SLC26A7: variants seen among roughly 807,000 people sequenced by gnomAD.
The protein encoded by SLC26A7 is anion exchange transporter.
Under a neutral mutation model 82.5 loss-of-function variants are expected in SLC26A7, and 59 were observed. That is an observed-to-expected ratio of 0.72 (90% CI 0.58 to 0.89). SLC26A7 has a LOEUF of 0.89. Ranked by LOEUF, SLC26A7 falls within the 40% of genes least tolerant of loss-of-function variation. The pLI is 0.00. For missense variants in SLC26A7, 820 were observed against 793.0 expected, an observed-to-expected ratio of 1.03 and a Z score of -0.41; for synonymous variants, 271 against 274.3, an observed-to-expected ratio of 0.99 and a Z score of 0.12.
chr8:91,268,904 C>T (rs1293835455), intron 2 of SLC26A7, among the ~76,000 whole-genome samples: 1 of 150,342 alleles, frequency 6.7e-6, no homozygotes, highest in African/African-American at 2.4e-5. Flanking sequence ...TTATAACAGG[C>T]TATTTTAAAC....
chr8:91,333,258 C>T (rs1310874970), intron 5 of SLC26A7, among the ~76,000 whole-genome samples: 3 of 152,086 alleles, frequency 2.0e-5, no homozygotes, highest in African/African-American at 7.2e-5. Flanking sequence ...TACATTGATC[C>T]TACCTTTTCT....
intron 15 of SLC26A7, among the ~76,000 whole-genome samples, chr8:91,385,460 T>C (rs1279589453): frequency 6.6e-6 from 1 of 152,226 alleles, no homozygotes; most frequent in Non-Finnish European, 1.5e-5. Flanking sequence ...GGTGAATGGG[T>C]AACTTTACCA....
intron 1 of SLC26A7, among the ~76,000 whole-genome samples, chr8:91,218,356 A>AGAAGTGAGG (rs1810094109): frequency 1.2e-4 from 2 of 16,782 alleles, no homozygotes; most frequent in African/African-American, 2.2e-3. Context: ...TTTTGTACAA[A>AGAAGTGAGG]TTATTTTGAA....
intron 3 of SLC26A7, among the ~76,000 whole-genome samples, chr8:91,290,952 G>T (rs544601682): frequency 9.2e-4 from 140 of 152,238 alleles, no homozygotes; most frequent in Non-Finnish European, 1.5e-3. Context: ...CTTGTTAAAA[G>T]TGCAAAGCCT....
intron 1 of SLC26A7, among the ~76,000 whole-genome samples, chr8:91,215,712 G>A (rs921094799): frequency 6.6e-6 from 1 of 152,110 alleles, no homozygotes; most frequent in African/African-American, 2.4e-5. Flanking sequence ...TTGACAGAAA[G>A]GATATTTCAT....
intron 15 of SLC26A7, among the ~76,000 whole-genome samples, chr8:91,380,276 G>A (rs1461544772): frequency 6.6e-6 from 1 of 151,954 alleles, no homozygotes. Context: ...AATTTCTTTG[G>A]ATTTTGGAAT....
At chr8:91,276,098 C>G (rs1441818858) in intron 2 of SLC26A7, among the ~76,000 whole-genome samples, 3 of 152,102 alleles carry the variant, frequency 2.0e-5, no homozygotes, top group African/African-American at 2.4e-5. Context: ...AAAGTGATAT[C>G]ATCCCACATG....
chr8:91,360,069 T>C (rs1196721896), intron 11 of SLC26A7, among the ~76,000 whole-genome samples: 1 of 152,106 alleles, frequency 6.6e-6, no homozygotes, highest in Non-Finnish European at 1.5e-5. Flanking sequence ...AAAATAGGGG[T>C]CCAAATGGAG....
chr8:91,324,535 T>C (rs1190799415), intron 5 of SLC26A7, among the ~76,000 whole-genome samples: 1 of 152,180 alleles, frequency 6.6e-6, no homozygotes, highest in Non-Finnish European at 1.5e-5. Context: ...TAGGAAGAGA[T>C]AAACATGCAT....
At chr8:91,232,151 A>G (rs953891615) in intron 2 of SLC26A7, among the ~76,000 whole-genome samples, 2 of 152,222 alleles carry the variant, frequency 1.3e-5, no homozygotes, top group Non-Finnish European at 2.9e-5. Flanking sequence ...TATGCAATAA[A>G]TAAAGGACTA....
At chr8:91,255,658 C>T (rs1810781665) in intron 2 of SLC26A7, among the ~76,000 whole-genome samples, 1 of 152,118 alleles carries the variant, frequency 6.6e-6, no homozygotes, top group African/African-American at 2.4e-5. Flanking sequence ...TATTTCCCCT[C>T]ATCCCATGAC....
At chr8:91,359,503 C>T (rs1315757450) in intron 11 of SLC26A7, among the ~76,000 whole-genome samples, 1 of 152,040 alleles carries the variant, frequency 6.6e-6, no homozygotes, top group Non-Finnish European at 1.5e-5. Context: ...CCTACTTAGA[C>T]GTGATAGTTG....
At chr8:91,328,131 A>G (rs1055429984) in intron 5 of SLC26A7, among the ~76,000 whole-genome samples, 10 of 152,106 alleles carry the variant, frequency 6.6e-5, no homozygotes, top group Admixed American at 5.9e-4. Context: ...TAAACATATA[A>G]GATCTTTCTA....
At chr8:91,256,852 T>C (rs930614295) in intron 2 of SLC26A7, among the ~76,000 whole-genome samples, 1 of 152,128 alleles carries the variant, frequency 6.6e-6, no homozygotes, top group Non-Finnish European at 1.5e-5. Context: ...CATGAAAATA[T>C]GAGCTCTGAA....
intron 2 of SLC26A7, among the ~76,000 whole-genome samples, chr8:91,226,389 A>G (rs1273388375): frequency 2.0e-5 from 3 of 152,200 alleles, no homozygotes; most frequent in Non-Finnish European, 4.4e-5. Flanking sequence ...TATTAAATGA[A>G]AAAATGGAGT....
chr8:91,300,531 G>T (rs886748577), intron 4 of SLC26A7, among the ~76,000 whole-genome samples: 2 of 151,370 alleles, frequency 1.3e-5, no homozygotes, highest in Admixed American at 1.3e-4. Context: ...CCAAGTAGCT[G>T]GGACTACAGG....
intron 2 of SLC26A7, among the ~76,000 whole-genome samples, chr8:91,222,668 G>A (rs534391075): frequency 1.3e-5 from 2 of 152,264 alleles, no homozygotes; most frequent in Admixed American, 6.5e-5. Context: ...TTATTGATTT[G>A]TTATGTTGAA....
intron 5 of SLC26A7, among the ~76,000 whole-genome samples, chr8:91,329,739 A>G (rs1813027773): frequency 6.6e-6 from 1 of 152,170 alleles, no homozygotes; most frequent in African/African-American, 2.4e-5. Flanking sequence ...TTCCTGACAG[A>G]TCATCTAAAT....
intron 16 of SLC26A7, among the ~76,000 whole-genome samples, chr8:91,392,916 A>G (rs928914735): frequency 1.3e-5 from 2 of 152,178 alleles, no homozygotes; most frequent in African/African-American, 4.8e-5. Context: ...AATGGCAAAG[A>G]TGCAGTCCAT....
Sources: allele counts gnomAD v4.1 joint callset (sites outside exome capture counted in the v4.1 genomes callset), GRCh38; gene constraint gnomAD v4.1.1; transcripts MANE v1.5; gene names NCBI Gene and HGNC (gene_info 2026-07-23, HGNC 2026-07-21).